The following EFCAB6 variants were observed in gnomAD, a reference collection of about 807,000 sequenced individuals.
EFCAB6 encodes EF-hand calcium binding domain 6, also known as EF-hand calcium-binding domain-containing protein 6.
In EFCAB6, 156 loss-of-function variants were observed where a neutral mutation model predicts 169.8. That is an observed-to-expected ratio of 0.92 (90% CI 0.81 to 1.05). The LOEUF (loss-of-function observed/expected upper bound fraction) is 1.05. EFCAB6 is among the 50% of genes least tolerant of loss of function. The probability of loss-of-function intolerance (pLI) is 0.00; values close to 1 mark genes in which losing one functional copy is unlikely to be tolerated. For missense variants in EFCAB6, 1,800 were observed against 1,829.1 expected, an observed-to-expected ratio of 0.98 and a Z score of 0.29; for synonymous variants, 698 against 676.4, an observed-to-expected ratio of 1.03 and a Z score of -0.50.
At chr22:43,577,426 T>C (rs531972715) in intron 25 of EFCAB6, among the ~76,000 whole-genome samples, 2 of 152,338 alleles carry the variant, frequency 1.3e-5, no homozygotes, top group South Asian at 4.1e-4. Context: ...AAACATCAGA[T>C]AGCTTCACAT....
intron 20 of EFCAB6, among the ~76,000 whole-genome samples, chr22:43,616,376 G>T (rs975345094): frequency 2.0e-5 from 3 of 152,198 alleles, no homozygotes; most frequent in Non-Finnish European, 2.9e-5. Context: ...AGGATTTAAA[G>T]ATAGGGCCGG....
chr22:43,535,004 C>T (rs1373699811), intron 29 of EFCAB6, 132 bp from the exon 30 acceptor site: 6 of 907,030 alleles, frequency 6.6e-6, no homozygotes, highest in Admixed American at 2.7e-5. Flanking sequence ...AAAGAACTCA[C>T]GGTTGGTGGC....
intron 24 of EFCAB6, among the ~76,000 whole-genome samples, chr22:43,587,993 A>G (rs1230854170): frequency 6.6e-6 from 1 of 152,254 alleles, no homozygotes; most frequent in Non-Finnish European, 1.5e-5. Context: ...TATAACTCAA[A>G]TATTACATGA....
rs1569102648 is a variant in EFCAB6, at chr22:43,528,854, T to A, written c.4505A>T (p.Ter1502LeuextTer23). 1 of 1,606,998 alleles carries A rather than the reference T, an allele frequency of 6.2e-7. No homozygotes were observed. The highest frequency in any genetic ancestry group is 1.3e-5 in the African/African-American group (1 of 74,984). The change falls in exon 32 of 32, where the codon TAG becomes TTG. Residue 1502 changes from the stop codon to leucine (L), a stop_lost. Transcript: ENST00000262726. ...CCGCTGGGCACACAGCAGGGGTGTCTACTGGAGGAATGCCCGGAGGAAGTC... is the reference window on the plus strand; with the variant it reads ...CCGCTGGGCACACAGCAGGGGTGTCAACTGGAGGAATGCCCGGAGGAAGTC... ...YNDFLRAFLQ* is the reference protein window; with the variant it reads ...YNDFLRAFLQL
In EFCAB6 at chr22:43,645,359, C is replaced by T. The variant is rs117889248; in HGVS notation, c.1984-10143G>A. Among the ~76,000 whole-genome samples, 1,072 of 152,306 alleles carry T rather than the reference C, an allele frequency of 7.0e-3. 13 individuals are homozygous for T. Among genetic ancestry groups the T allele is most frequent in the Non-Finnish European group, 0.011 (734 of 68,028 alleles). On this transcript the variant is annotated intron_variant, in intron 17 of 31. Transcript: ENST00000262726. Reference sequence around the variant, plus strand: ...GAAAGAGGAAAAAAAGTACGCAAGTCCAAGTCTAAAACTTTAGTACTTTTC... The same window carrying T: ...GAAAGAGGAAAAAAAGTACGCAAGTTCAAGTCTAAAACTTTAGTACTTTTC...
At chr22:43,769,612 GGAAGA>G (rs2061408883) in intron 4 of EFCAB6, among the ~76,000 whole-genome samples, 1 of 151,926 alleles carries the variant, frequency 6.6e-6, no homozygotes, top group African/African-American at 2.4e-5. Flanking sequence ...TTTTTTTAAG[GGAAGA>G]GAAAAGTTCT....
rs575871510 is a variant in EFCAB6, at chr22:43,569,079, C to T, written c.3420+7218G>A. Among the ~76,000 whole-genome samples, 7 of 152,314 alleles carry T rather than the reference C, an allele frequency of 4.6e-5. No individual in the cohort carries two copies. In the East Asian group the frequency reaches 1.2e-3, roughly 25 times the overall value. On this transcript the variant is annotated intron_variant, in intron 26 of 31. Coordinates refer to ENST00000262726, the MANE Select transcript of EFCAB6 (RefSeq NM_022785.4). The stretch of plus-strand genomic sequence containing the variant: ...GCTACTTCCGGCAGAGCTTGCCTGG[C>T]ACATGCCGAGTGCCTACCCTGTCCA...
At chr22:43,662,653 A>T (rs1026500522) in intron 17 of EFCAB6, among the ~76,000 whole-genome samples, 2 of 150,764 alleles carry the variant, frequency 1.3e-5, no homozygotes, top group African/African-American at 5.0e-5. Flanking sequence ...CCAAAAGGAC[A>T]GGAAGAATTA....
intron 17 of EFCAB6, among the ~76,000 whole-genome samples, chr22:43,648,220 A>G (rs1208805414): frequency 6.6e-6 from 1 of 152,166 alleles, no homozygotes; most frequent in Non-Finnish European, 1.5e-5. Flanking sequence ...AAGGAAGCTG[A>G]GGCTGAGGGG....
At chr22:43,806,143 G>A (rs1350056299) in intron 2 of EFCAB6, among the ~76,000 whole-genome samples, 2 of 132,222 alleles carry the variant, frequency 1.5e-5, no homozygotes, top group South Asian at 2.9e-4. Context: ...TCCAGCCTGG[G>A]TGATCAAGTG....
intron 17 of EFCAB6, among the ~76,000 whole-genome samples, chr22:43,641,523 G>C (rs2055797196): frequency 6.6e-6 from 1 of 151,906 alleles, no homozygotes; most frequent in Admixed American, 6.6e-5. Context: ...GGCTGAGGCA[G>C]GAGGATCGCT....
rs533388356 is a variant in EFCAB6, at chr22:43,648,883, C to T, written c.1984-13667G>A. 3.3e-5 allele frequency among the ~76,000 whole-genome samples: 5 copies of T among 152,270 alleles called. No homozygotes were observed. In the East Asian group the frequency reaches 9.6e-4, roughly 29 times the overall value. ...TTGAGCACTTACGATGTGCTAGGCA[C>T]TGATTTAGATGCTAGAGATAGGGCA... is the stretch of plus-strand genomic sequence containing the variant. On this transcript the variant is annotated intron_variant, in intron 17 of 31. Coordinates refer to ENST00000262726, the MANE Select transcript of EFCAB6 (RefSeq NM_022785.4).
intron 6 of EFCAB6, among the ~76,000 whole-genome samples, chr22:43,737,472 A>G (rs534130200): frequency 6.7e-6 from 1 of 148,364 alleles, no homozygotes; most frequent in South Asian, 2.1e-4. Context: ...ACCCCTGTGC[A>G]TATATTCACA....
intron 13 of EFCAB6, among the ~76,000 whole-genome samples, chr22:43,677,744 A>G (rs762924572): frequency 1.3e-5 from 2 of 152,148 alleles, no homozygotes; most frequent in African/African-American, 4.8e-5. Context: ...CGCCAGTTAC[A>G]TCCTGTATAT....
At chr22:43,719,714 G>A (rs752192022) in intron 8 of EFCAB6, among the ~76,000 whole-genome samples, 37 of 152,274 alleles carry the variant, frequency 2.4e-4, no homozygotes, top group Non-Finnish European at 4.7e-4. Context: ...TTATTTACAA[G>A]AAGAGATAGA....
At chr22:43,730,214 G>C (rs1281308705) in intron 8 of EFCAB6, among the ~76,000 whole-genome samples, 2 of 116,836 alleles carry the variant, frequency 1.7e-5, no homozygotes, top group Admixed American at 1.8e-4. Flanking sequence ...GAGGAGAGGA[G>C]AGGAAAAGGA....
Position 43,772,375 on chromosome 22 carries a change from C to T in EFCAB6, c.351+517G>A, listed in dbSNP as rs906934410. ...GAAAAGAAGGCCGGGTGCAGTGGCT[C>T]ATGCCTGTAATCCCAGCACTTTGGG... On this transcript the variant is annotated intron_variant, in intron 4 of 31. Transcript: ENST00000262726. Among the ~76,000 whole-genome samples, 6 of 152,214 alleles carry T rather than the reference C, an allele frequency of 3.9e-5. No homozygotes were observed. The South Asian group carries it at 6.2e-4, about 16-fold the overall frequency.
At chr22:43,767,888 C>T (rs1263090743) in intron 4 of EFCAB6, among the ~76,000 whole-genome samples, 2 of 152,222 alleles carry the variant, frequency 1.3e-5, no homozygotes, top group African/African-American at 2.4e-5. Flanking sequence ...AGGCTCTGCT[C>T]AGTACTTGCC....
intron 26 of EFCAB6, among the ~76,000 whole-genome samples, chr22:43,561,617 T>C (rs910453524): frequency 6.6e-6 from 1 of 152,084 alleles, no homozygotes; most frequent in Non-Finnish European, 1.5e-5. Context: ...GCTGAGAATC[T>C]GTTAGGCACC....
Sources: gnomAD v4.1 joint callset for allele counts (sites outside exome capture counted in the v4.1 genomes callset) on GRCh38, gnomAD v4.1.1 for gene constraint, MANE v1.5 for transcripts, NCBI Gene and HGNC (gene_info 2026-07-23, HGNC 2026-07-21) for gene names.